The following ANKUB1 variants were observed in gnomAD, a reference collection of about 807,000 sequenced individuals.
ANKUB1 encodes protein ANKUB1.
ANKUB1 carries 42 observed loss-of-function variants against 49.3 expected under a neutral mutation model. That is an observed-to-expected ratio of 0.85 (90% CI 0.67 to 1.10). ANKUB1 has a LOEUF of 1.10. ANKUB1 is among the 50% of genes least tolerant of loss of function. The pLI is 0.00. For synonymous variants in ANKUB1, 222 were observed against 231.0 expected (o/e 0.96, Z 0.35); for missense variants, 613 against 642.0 (o/e 0.95, Z 0.49).
At chr3:149,764,589 TCC>T in intron 5 of ANKUB1, among the ~76,000 whole-genome samples, 1 of 92,226 alleles carries the variant, frequency 1.1e-5, no homozygotes, top group Admixed American at 1.3e-4. Context: ...CCTCCCTCCC[TCC>T]CTTCCTTCCT....
intron 2 of ANKUB1, 21 bp from the exon 3 acceptor site, chr3:149,780,476 G>A: frequency 2.0e-6 from 3 of 1,535,758 alleles, no homozygotes; most frequent in South Asian, 2.4e-5. Context: ...AGAAAAGGAG[G>A]GAACTTATTG....
At chr3:149,771,548 C>T (rs942170747) in intron 3 of ANKUB1, among the ~76,000 whole-genome samples, 38 of 152,216 alleles carry the variant, frequency 2.5e-4, no homozygotes, top group African/African-American at 9.2e-4. Flanking sequence ...CAATCTCTGC[C>T]ATCACTACCT....
In ANKUB1 at chr3:149,780,754, T is replaced by C. The variant is rs1478260603; in HGVS notation, c.235-299A>G. Among the ~76,000 whole-genome samples, 4 of 152,248 alleles carry C rather than the reference T, an allele frequency of 2.6e-5. No individual in the cohort carries two copies. In the East Asian group the frequency reaches 7.7e-4, roughly 29 times the overall value. The stretch of plus-strand genomic sequence containing the variant: ...ATAATTTATATCCATCCTGTGCTTA[T>C]GGAGGTGTTAGTTTAGAAAACATTC... On this transcript the variant is annotated intron_variant, in intron 2 of 5. Coordinates refer to ENST00000446160, the MANE Select transcript of ANKUB1 (RefSeq NM_001144960.3).
chr3:149,772,084 G>C (rs994699951), intron 3 of ANKUB1, among the ~76,000 whole-genome samples: 1 of 149,696 alleles, frequency 6.7e-6, no homozygotes, highest in Non-Finnish European at 1.5e-5. Flanking sequence ...GGGTGCAGTG[G>C]CACAATCTTG....
intron 5 of ANKUB1, among the ~76,000 whole-genome samples, chr3:149,764,598 T>TCCTCCCTC (rs1346834910): frequency 3.4e-5 from 4 of 117,716 alleles, no homozygotes; most frequent in Non-Finnish European, 6.9e-5. Context: ...CTCCCTTCCT[T>TCCTCCCTC]CCTCCCTCCC....
chr3:149,780,209 G>A lies in ANKUB1; in HGVS notation c.451+30C>T, dbSNP rs542297707. The A allele has an allele frequency of 1.8e-5, 27 of 1,536,570 alleles. No individual in the cohort carries two copies. The South Asian group carries it at 3.1e-4, about 18-fold the overall frequency. On this transcript the variant is annotated intron_variant, in intron 3 of 5. Coordinates refer to ENST00000446160, the MANE Select transcript of ANKUB1 (RefSeq NM_001144960.3). ...TATCAAAGGACCCTAGTGCCAAATG[G>A]TAGCTGATATCAAATATACTGGGCA...
chr3:149,769,980 C>G (rs904021423), intron 4 of ANKUB1, among the ~76,000 whole-genome samples: 2 of 152,290 alleles, frequency 1.3e-5, no homozygotes, highest in African/African-American at 4.8e-5. Flanking sequence ...ACACCTGAGA[C>G]AGCAAGACAA....
At chr3:149,761,970 A>G (rs951996541) in intron 5 of ANKUB1, among the ~76,000 whole-genome samples, 1 of 152,170 alleles carries the variant, frequency 6.6e-6, no homozygotes, top group African/African-American at 2.4e-5. Context: ...CTACGAACAC[A>G]CATGAGGATT....
chr3:149,786,413 C>G (rs918818938), intron 2 of ANKUB1, among the ~76,000 whole-genome samples: 15 of 152,176 alleles, frequency 9.9e-5, no homozygotes, highest in Non-Finnish European at 2.1e-4. Flanking sequence ...CCTTTGCCCA[C>G]TTTTTGATGG....
At chr3:149,779,086 C>T in intron 3 of ANKUB1, 1 of 152,016 alleles carries the variant, frequency 6.6e-6, no homozygotes, top group East Asian at 1.9e-4. Flanking sequence ...ATCGTCAAAT[C>T]ATTTTTTAGT....
intron 2 of ANKUB1, chr3:149,783,352 A>G (rs1717951699): frequency 6.6e-6 from 1 of 152,224 alleles, no homozygotes; most frequent in Non-Finnish European, 1.5e-5. Flanking sequence ...AATACCACAC[A>G]CAAATCATTG....
chr3:149,768,714 G>A (rs1003293710), intron 4 of ANKUB1, among the ~76,000 whole-genome samples: 6 of 152,232 alleles, frequency 3.9e-5, no homozygotes, highest in South Asian at 4.1e-4. Context: ...GCTAATTTTT[G>A]TATTTTTTGT....
At chr3:149,776,376 T>C (rs749101128) in intron 3 of ANKUB1, among the ~76,000 whole-genome samples, 33 of 152,182 alleles carry the variant, frequency 2.2e-4, no homozygotes, top group Non-Finnish European at 3.7e-4. Flanking sequence ...ATTTACTCTC[T>C]GAGGAATGTA....
intron 2 of ANKUB1, among the ~76,000 whole-genome samples, chr3:149,782,660 C>T (rs1331996680): frequency 1.3e-5 from 2 of 152,106 alleles, no homozygotes; most frequent in Admixed American, 6.5e-5. Context: ...AATCCTCCCA[C>T]CTCAGCCTCC....
chr3:149,790,873 C>G lies in ANKUB1; in HGVS notation c.142G>C (p.Glu48Gln). Residue 48 changes from glutamate (E) to glutamine (Q), a missense_variant, in exon 2 of 6, where the codon GAG becomes CAG. Physicochemically the swap from Glu to Gln is conservative, Grantham distance 29. Transcript: ENST00000446160. Reference protein sequence around the residue: ...SEDKQGRRYLELMYAGAALKD... With the variant: ...SEDKQGRRYLQLMYAGAALKD... ...AGAGCAGCTCCAGCATACATTAACT[C>G]CAGATACCGCCTGCCTTGTTTGTCT... The G allele has an allele frequency of 2.6e-6, 4 of 1,552,186 alleles. No homozygotes were observed. The highest frequency in any genetic ancestry group is 2.6e-6 in the Non-Finnish European group (3 of 1,147,060).
chr3:149,777,652 C>A (rs1423355337), intron 3 of ANKUB1, among the ~76,000 whole-genome samples: 1 of 152,216 alleles, frequency 6.6e-6, no homozygotes, highest in African/African-American at 2.4e-5. Context: ...GCAGAACAGT[C>A]TCCTGCTTTC....
At chr3:149,774,351 G>A (rs1717496327) in intron 3 of ANKUB1, among the ~76,000 whole-genome samples, 1 of 152,140 alleles carries the variant, frequency 6.6e-6, no homozygotes, top group South Asian at 2.1e-4. Context: ...GGATCTCCCT[G>A]AGGATCACCC....
intron 5 of ANKUB1, among the ~76,000 whole-genome samples, chr3:149,762,774 C>A (rs1006415211): frequency 6.6e-6 from 1 of 152,244 alleles, no homozygotes; most frequent in East Asian, 1.9e-4. Context: ...AAACTCTTCA[C>A]TTGGTCACAC....
chr3:149,787,098 A>C (rs1416146113), intron 2 of ANKUB1, among the ~76,000 whole-genome samples: 1 of 152,188 alleles, frequency 6.6e-6, no homozygotes, highest in Non-Finnish European at 1.5e-5. Context: ...AGTTTTTTCC[A>C]ATTCTGTGAA....
Sources: gnomAD v4.1 joint callset for allele counts (sites outside exome capture counted in the v4.1 genomes callset) on GRCh38, gnomAD v4.1.1 for gene constraint, MANE v1.5 for transcripts, NCBI Gene and HGNC (gene_info 2026-07-23, HGNC 2026-07-21) for gene names.